Variants in C1orf167 observed in about 807,000 individuals in gnomAD.
C1orf167 encodes uncharacterized protein C1orf167.
In C1orf167, 153 loss-of-function variants were observed where a neutral mutation model predicts 176.5. That is an observed-to-expected ratio of 0.87 (90% CI 0.76 to 0.99). C1orf167 has a LOEUF of 0.99. Ranked by LOEUF, C1orf167 falls within the 50% of genes least tolerant of loss-of-function variation. The probability of loss-of-function intolerance (pLI) is 0.00; values close to 1 mark genes in which losing one functional copy is unlikely to be tolerated. For synonymous variants in C1orf167, 594 were observed against 752.7 expected (o/e 0.79, Z 3.45); for missense variants, 1,490 against 1,817.7 (o/e 0.82, Z 3.28).
rs1410121781 is a variant in C1orf167, at chr1:11,766,508, T to TG, written c.724dup (p.Ala242GlyfsTer73). On this transcript the variant is annotated frameshift_variant, in exon 3 of 21. Coordinates refer to ENST00000688073, the MANE Select transcript of C1orf167 (RefSeq NM_001010881.2). LOFTEE classifies it high-confidence loss of function. The surrounding 1 kb of genome is among the most constrained non-coding windows in gnomAD (Gnocchi z 4.5). ...TCCCGTGCTGCCGTCCACCAGCTGC[T>TG]GGCTTCTGTACATTGCCTGGCGCAG... The TG allele has an allele frequency of 1.6e-6, 2 of 1,278,416 alleles. No individual in the cohort carries two copies. Among genetic ancestry groups the TG allele is most frequent in the Admixed American group, 4.7e-5 (2 of 42,212 alleles). The allele number at this position is 1,278,416 out of a possible 1,614,324, so 79.2% of individuals were successfully genotyped here.
chr1:11,778,584 A>C, intron 10 of C1orf167, 76 bp from the exon 11 acceptor site: 2 of 1,175,128 alleles, frequency 1.7e-6, no homozygotes, highest in Non-Finnish European at 2.2e-6. Flanking sequence ...CGGCCAGGGT[A>C]GGGTAGCCCC....
chr1:11,779,789 C>T lies in C1orf167; in HGVS notation c.2652-13C>T. 1 of 1,293,228 alleles carries T rather than the reference C, an allele frequency of 7.7e-7. No homozygotes were observed. Among genetic ancestry groups the T allele is most frequent in the Non-Finnish European group, 1.0e-6 (1 of 982,312 alleles). The allele number at this position is 1,293,228 out of a possible 1,614,324, so 80.1% of individuals were successfully genotyped here. On this transcript the variant is annotated splice_polypyrimidine_tract_variant and intron_variant, in intron 12 of 20. Coordinates refer to ENST00000688073, the MANE Select transcript of C1orf167 (RefSeq NM_001010881.2). Reference sequence around the variant, plus strand: ...ACAGTGGCCATCCTCAGGGTGGACCCTCCCTTTCCCAGCATCTTCCTCAGC... The same window carrying T: ...ACAGTGGCCATCCTCAGGGTGGACCTTCCCTTTCCCAGCATCTTCCTCAGC...
chr1:11,774,050 A>C (rs6689912), intron 8 of C1orf167, among the ~76,000 whole-genome samples: 102,783 of 151,926 alleles, frequency 0.68, 35,591 homozygotes, highest in East Asian at 0.88. Context: ...CTATAGGTGC[A>C]TACCACCACA....
rs561769924 is a variant in C1orf167, at chr1:11,788,292, C to T, written c.3992C>T (p.Ala1331Val). 61 of 1,303,546 alleles carry T rather than the reference C, an allele frequency of 4.7e-5. No individual in the cohort carries two copies. The highest frequency in any genetic ancestry group is 5.5e-5 in the East Asian group (1 of 18,022). The allele number at this position is 1,303,546 out of a possible 1,614,324, so 80.7% of individuals were successfully genotyped here. The change falls in exon 19 of 21, where the codon GCG (alanine) becomes GTG (valine). Residue 1331 changes from alanine (A) to valine (V), a missense_variant. By Grantham distance (64) the Ala-to-Val change is moderately conservative (BLOSUM62 0). Transcript: ENST00000688073. ...CCTCGAGGCACTGCTTCACGGGCTG[C>T]GGGGTTCCCAGCAGGCCAGGTGCCT... ...PVPRGTASRA[A>V]GFPAGQVPGS...
At position 11,782,244 on chromosome 1, in the gene C1orf167, C is replaced by T; in HGVS notation, c.2916C>T (p.Gly972=). The change falls in exon 14 of 21, where the codon GGC becomes GGT. Residue 972 remains glycine (G), a synonymous_variant. Transcript: ENST00000688073. ...CQTWVQVHLQ[G]LQKVVFRSWQ... is the part of the protein sequence containing the mutation. ...CATGGGTGCAGGTCCACCTCCAGGGCCTGCAGAAGGTGGTGTTCCGGAGCT... is the reference window on the plus strand; with the variant it reads ...CATGGGTGCAGGTCCACCTCCAGGGTCTGCAGAAGGTGGTGTTCCGGAGCT... The T allele has an allele frequency of 2.3e-6, 3 of 1,301,900 alleles. No individual in the cohort carries two copies. The highest frequency in any genetic ancestry group is 1.5e-5 in the African/African-American group (1 of 65,866). The allele number at this position is 1,301,900 out of a possible 1,614,324, so 80.6% of individuals were successfully genotyped here. A position where few individuals can be genotyped will look rare whatever the true frequency, so the allele number is the denominator to read the frequency against.
intron 7 of C1orf167, 145 bp from the exon 8 acceptor site, chr1:11,771,937 G>C: frequency 1.8e-6 from 1 of 552,298 alleles, no homozygotes; most frequent in Non-Finnish European, 2.9e-6. Context: ...CCACACCAGA[G>C]GCTGGAGTAT....
intron 2 of C1orf167, 102 bp downstream of exon 2, chr1:11,764,572 G>C: frequency 9.9e-7 from 1 of 1,006,114 alleles, no homozygotes; most frequent in Non-Finnish European, 1.3e-6. Context: ...TATAGGGCCT[G>C]GCTAATTCCA....
intron 6 of C1orf167, among the ~76,000 whole-genome samples, 178 bp from the exon 7 acceptor site, chr1:11,771,346 C>T (rs1643066399): frequency 6.6e-6 from 1 of 151,816 alleles, no homozygotes; most frequent in Admixed American, 6.6e-5. Flanking sequence ...GCAGAACCTC[C>T]CCCCAGCAAT....
chr1:11,781,020 T>TTTC (rs1643574642), intron 13 of C1orf167, among the ~76,000 whole-genome samples: 1 of 148,966 alleles, frequency 6.7e-6, no homozygotes, highest in Admixed American at 6.7e-5. Context: ...TTTTTTTTTT[T>TTTC]TGAGACGATC....
At chr1:11,771,066 TA>T (rs1383374283) in intron 6 of C1orf167, among the ~76,000 whole-genome samples, 3 of 88,904 alleles carry the variant, frequency 3.4e-5, no homozygotes, top group African/African-American at 1.4e-4. Context: ...TATATATATA[TA>T]TATTTTTTTT....
intron 8 of C1orf167, among the ~76,000 whole-genome samples, chr1:11,773,719 A>G (rs1643186503): frequency 6.6e-6 from 1 of 152,156 alleles, no homozygotes; most frequent in Admixed American, 6.5e-5. Context: ...GAAATAAGTA[A>G]ATAAATAAAT....
rs746268966 is a variant in C1orf167, at chr1:11,766,603, G to A, written c.817G>A (p.Gly273Ser). 129 of 1,275,862 alleles carry A rather than the reference G, an allele frequency of 1.0e-4. No individual in the cohort carries two copies. Among genetic ancestry groups the A allele is most frequent in the African/African-American group, 1.2e-4 (8 of 65,710 alleles). The allele number at this position is 1,275,862 out of a possible 1,614,324, so 79.0% of individuals were successfully genotyped here. A position where few individuals can be genotyped will look rare whatever the true frequency, so the allele number is the denominator to read the frequency against. ...PGAVQQDLWT[G>S]GGQPFSAHPQ... is the part of the protein sequence containing the mutation. ...TGCTGTGCAGCAGGACCTCTGGACC[G>A]GCGGCGGCCAGCCATTCTCCGCCCA... Residue 273 changes from glycine to serine, a missense_variant, in exon 3 of 21, where the codon GGC (glycine) becomes AGC (serine). Transcript: ENST00000688073. This position sits in a 1 kb window ranked among gnomAD's most constrained non-coding sequence, Gnocchi z 4.5.
chr1:11,780,402 C>T (rs1643539581), intron 13 of C1orf167, among the ~76,000 whole-genome samples: 1 of 152,136 alleles, frequency 6.6e-6, no homozygotes, highest in African/African-American at 2.4e-5. Flanking sequence ...GAGTGCCTCA[C>T]CACCCCCCAT....
Position 11,762,218 on chromosome 1 carries a change from C to CCGACCTG in C1orf167, c.-155_-149dup, listed in dbSNP as rs1234427637. 4.5e-6 allele frequency: 2 copies of CCGACCTG among 447,618 alleles called. No individual in the cohort carries two copies. Among genetic ancestry groups the CCGACCTG allele is most frequent in the African/African-American group, 4.0e-5 (2 of 49,776 alleles). The allele number at this position is 447,618 out of a possible 1,614,324, so 27.7% of individuals were successfully genotyped here. ...GACGTCCCCTCCCGCCCGCGACCTG[C>CCGACCTG]CGACCTGCGGGGATCGTTAGCGGTC... is the stretch of plus-strand genomic sequence containing the variant. On this transcript the variant is annotated 5_prime_UTR_variant, in exon 1 of 21. Coordinates refer to ENST00000688073, the MANE Select transcript of C1orf167 (RefSeq NM_001010881.2).
In C1orf167 at chr1:11,784,511, ACTTGGTGCTGGG is replaced by A. The variant is rs1557743056; in HGVS notation, c.3346_3357del (p.Trp1116_Ala1119del). ...TGGGGCCCAGGCAGCCCAGTGCTGG[ACTTGGTGCTGGG>A]CTCTGTGGGTGCATGAGTCCTGTCG... On this transcript the variant is annotated inframe_deletion, in exon 15 of 21. Coordinates refer to ENST00000688073, the MANE Select transcript of C1orf167 (RefSeq NM_001010881.2). 1 of 1,302,664 alleles carries A rather than the reference ACTTGGTGCTGGG, an allele frequency of 7.7e-7. No individual in the cohort carries two copies. The highest frequency in any genetic ancestry group is 2.5e-4 in the Middle Eastern group (1 of 4,038). 80.7% of individuals were successfully genotyped at this position (1,302,664 alleles called of 1,614,324 possible). A position where few individuals can be genotyped will look rare whatever the true frequency, so the allele number is the denominator to read the frequency against.
rs1026506710 is a variant in C1orf167, at chr1:11,789,539, C to T, written c.*93C>T. The T allele has an allele frequency of 5.3e-6, 6 of 1,131,444 alleles. No individual in the cohort carries two copies. Among genetic ancestry groups the T allele is most frequent in the African/African-American group, 1.6e-5 (1 of 61,596 alleles). The allele number at this position is 1,131,444 out of a possible 1,614,324, so 70.1% of individuals were successfully genotyped here. On this transcript the variant is annotated 3_prime_UTR_variant, in exon 21 of 21. Coordinates refer to ENST00000688073, the MANE Select transcript of C1orf167 (RefSeq NM_001010881.2). ...ATCCAGGGAGTGATGACAGAGGGGA[C>T]AGCTTGAAGAGCTCTGAAGGACAAT...
In C1orf167 at chr1:11,783,576, T is replaced by A. The variant is rs143770073; in HGVS notation, c.3006-598T>A. On this transcript the variant is annotated intron_variant, in intron 14 of 20. Coordinates refer to ENST00000688073, the MANE Select transcript of C1orf167 (RefSeq NM_001010881.2). ...ATGGTTTTTTTTCTTGGCTTCTCACTGAGTGAGAGATGGTGTTCCTCTCCC... is the reference window on the plus strand; with the variant it reads ...ATGGTTTTTTTTCTTGGCTTCTCACAGAGTGAGAGATGGTGTTCCTCTCCC... Among the ~76,000 whole-genome samples the A allele has an allele frequency of 5.3e-5, 8 of 152,194 alleles. No homozygotes were observed. The South Asian group carries it at 1.0e-3, about 20-fold the overall frequency.
intron 6 of C1orf167, among the ~76,000 whole-genome samples, chr1:11,771,069 A>ATATATATATATT (rs1557726938): frequency 2.1e-5 from 1 of 47,220 alleles, no homozygotes; most frequent in African/African-American, 9.8e-5. Context: ...ATATATATAT[A>ATATATATATATT]TTTTTTTTTT....
chr1:11,772,093 T>C lies in C1orf167; in HGVS notation c.1822T>C (p.Trp608Arg). 1 of 1,303,648 alleles carries C rather than the reference T, an allele frequency of 7.7e-7. No homozygotes were observed. The highest frequency in any genetic ancestry group is 1.0e-6 in the Non-Finnish European group (1 of 988,664). 80.8% of individuals were successfully genotyped at this position (1,303,648 alleles called of 1,614,324 possible). A position where few individuals can be genotyped will look rare whatever the true frequency, so the allele number is the denominator to read the frequency against. The part of the protein sequence containing the change: ...QALQLAVFFL[W>R]CQQKKRARQE... ...CCCTCTCTCCTTAGTGTTCTTCCTG[T>C]GGTGCCAACAGAAGAAACGGGCCAG... Residue 608 changes from tryptophan (W) to arginine (R), a missense_variant, in exon 8 of 21, where the codon TGG becomes CGG. Trp to Arg is a moderately radical substitution (Grantham distance 101, BLOSUM62 -3). Transcript: ENST00000688073.
Sources: allele counts gnomAD v4.1 joint callset (sites outside exome capture counted in the v4.1 genomes callset), GRCh38; gene constraint gnomAD v4.1.1; non-coding constraint Gnocchi (gnomAD v3.1); transcripts MANE v1.5; gene names NCBI Gene and HGNC (gene_info 2026-07-23, HGNC 2026-07-21).